The following SPEG variants were observed in gnomAD, a reference collection of about 807,000 sequenced individuals.
SPEG encodes the protein striated muscle enriched protein kinase, also known as striated muscle preferentially expressed protein kinase.
Under a neutral mutation model 300.4 loss-of-function variants are expected in SPEG, and 114 were observed. The ratio of observed to expected loss-of-function variants is 0.38; its 90% CI spans 0.33 to 0.44. The LOEUF is 0.44. Among genes scored for constraint, SPEG ranks in the 20% least tolerant of loss-of-function variants. SPEG has a pLI of 1.00. For missense variants in SPEG, 4,201 were observed against 4,586.2 expected, an observed-to-expected ratio of 0.92 and a Z score of 2.43; for synonymous variants, 1,964 against 2,018.9, an observed-to-expected ratio of 0.97 and a Z score of 0.73.
At position 219,443,653 on chromosome 2, in the gene SPEG, G is replaced by T; in HGVS notation, c.389-1000G>T. 1 of 306,540 alleles carries T rather than the reference G, an allele frequency of 3.3e-6. No individual in the cohort carries two copies. The allele number at this position is 306,540 out of a possible 1,614,324, so 19.0% of individuals were successfully genotyped here. On this transcript the variant is annotated intron_variant, in intron 1 of 40. Coordinates refer to ENST00000312358, the MANE Select transcript of SPEG (RefSeq NM_005876.5). The surrounding 1 kb of genome is among the most constrained non-coding windows in gnomAD (Gnocchi z 4.6). The stretch of plus-strand genomic sequence containing the variant: ...CAGATAAGGGGTTGGTTTGCAAAGA[G>T]GGGTCAAAGCACAATGCAAATATTG...
At chr2:219,489,305 C>T (rs200411869) in intron 35 of SPEG, 31 bp from the exon 36 acceptor site, 1 of 1,613,404 alleles carries the variant, frequency 6.2e-7, no homozygotes, top group African/African-American at 1.3e-5. Context: ...TGCCCCAAGG[C>T]ACCACGGTGA....
At chr2:219,470,472 T>TG (rs199956430) in intron 13 of SPEG, among the ~76,000 whole-genome samples, 5,613 of 152,278 alleles carry the variant, frequency 0.037, 333 homozygotes, top group African/African-American at 0.13. Context: ...AGGCCCTGGG[T>TG]GAGTGTCTGT....
At chr2:219,465,848 CATGT>C (rs1691234668) in intron 9 of SPEG, 1 of 612,854 alleles carries the variant, frequency 1.6e-6, no homozygotes, top group Admixed American at 2.6e-5. Flanking sequence ...TATGTGCATG[CATGT>C]GTGTGCATGT....
Position 219,484,136 on chromosome 2 carries a change from G to A in SPEG, c.6673G>A (p.Ala2225Thr), listed in dbSNP as rs1693142078. ...APEPRPEPVR[A>T]SKPAPPPQAL... is the part of the protein sequence containing the mutation. ...AGAGCCCAGGCCAGAACCAGTCCGA[G>A]CCTCCAAGCCTGCACCACCCCCCCA... The change falls in exon 30 of 41, where the codon GCC (alanine) becomes ACC (threonine). Residue 2225 changes from alanine (A) to threonine (T), a missense_variant. This residue lies in a region of SPEG where 1,578 missense variants were observed against 1,506.0 expected (regional missense o/e 1.05). Transcript: ENST00000312358. 1.9e-6 allele frequency: 3 copies of A among 1,613,362 alleles called. No homozygotes were observed. Among genetic ancestry groups the A allele is most frequent in the African/African-American group, 1.3e-5 (1 of 75,008 alleles).
Position 219,445,960 on chromosome 2 carries a change from A to G in SPEG, c.815+799A>G, listed in dbSNP as rs1689253449. Among the ~76,000 whole-genome samples, 1 of 151,348 alleles carries G rather than the reference A, an allele frequency of 6.6e-6. No homozygotes were observed. Among genetic ancestry groups the G allele is most frequent in the Non-Finnish European group, 1.5e-5 (1 of 67,892 alleles). ...TTGGAGATTTGGGGCTCGCAGATAC[A>G]GGAGGGAGTGCTATAGTGGAAGAGG... On this transcript the variant is annotated intron_variant, in intron 3 of 40. Transcript: ENST00000312358. This position sits in a 1 kb window ranked among gnomAD's most constrained non-coding sequence, Gnocchi z 6.1.
chr2:219,442,933 G>T (rs1175593052), intron 1 of SPEG, among the ~76,000 whole-genome samples: 1 of 152,092 alleles, frequency 6.6e-6, no homozygotes, highest in Non-Finnish European at 1.5e-5. Flanking sequence ...GAAGGCAGGG[G>T]AGTCATTCCC....
chr2:219,484,657 G>A lies in SPEG; in HGVS notation c.7194G>A (p.Arg2398=). 1 of 1,531,894 alleles carries A rather than the reference G, an allele frequency of 6.5e-7. No individual in the cohort carries two copies. Among genetic ancestry groups the A allele is most frequent in the Non-Finnish European group, 8.7e-7 (1 of 1,145,182 alleles). The allele number at this position is 1,531,894 out of a possible 1,614,324, so 94.9% of individuals were successfully genotyped here. A position where few individuals can be genotyped will look rare whatever the true frequency, so the allele number is the denominator to read the frequency against. Residue 2398 remains arginine, a synonymous_variant, in exon 30 of 41, where the codon AGG becomes AGA. Coordinates refer to ENST00000312358, the MANE Select transcript of SPEG (RefSeq NM_005876.5). ...GCTCACGCTCGGTGCAGGACCTCAGGGCTGTCGGAGAGCCTGGCCTCGTCC... is the reference window on the plus strand; with the variant it reads ...GCTCACGCTCGGTGCAGGACCTCAGAGCTGTCGGAGAGCCTGGCCTCGTCC... ...PERSRSVQDL[R]AVGEPGLVRR... is the part of the protein sequence containing the mutation.
rs1689689391 is a variant in SPEG at position 219,450,848 on chromosome 2, C to T, written c.2114-288C>T. ...GTGTTAAAGACATACACAGTGCAGT[C>T]CTGTCTTTCTCCAGAAGCCAACGCT... On this transcript the variant is annotated intron_variant, in intron 4 of 40. Transcript: ENST00000312358. The T allele has an allele frequency of 1.9e-5, 6 of 320,212 alleles. No homozygotes were observed. The South Asian group carries it at 3.3e-4, about 17-fold the overall frequency. 19.8% of individuals were successfully genotyped at this position (320,212 alleles called of 1,614,324 possible). A position where few individuals can be genotyped will look rare whatever the true frequency, so the allele number is the denominator to read the frequency against.
rs1693888872 is a variant in SPEG, at chr2:219,490,652, G to A, written c.9161+4G>A. ...TCCTCTGTGGGCTCAGTGACAGGTAGCTGGGAATTCTAGGGGAGTAGGGAG... is the reference window on the plus strand; with the variant it reads ...TCCTCTGTGGGCTCAGTGACAGGTAACTGGGAATTCTAGGGGAGTAGGGAG... On this transcript the variant is annotated splice_donor_region_variant and intron_variant, in intron 37 of 40. Coordinates refer to ENST00000312358, the MANE Select transcript of SPEG (RefSeq NM_005876.5). The A allele has an allele frequency of 6.2e-7, 1 of 1,608,834 alleles. No individual in the cohort carries two copies. Among genetic ancestry groups the A allele is most frequent in the Non-Finnish European group, 8.5e-7 (1 of 1,175,444 alleles).
Position 219,488,808 on chromosome 2 carries a change from T to C in SPEG, c.8057T>C (p.Val2686Ala). 1 of 1,599,826 alleles carries C rather than the reference T, an allele frequency of 6.3e-7. No individual in the cohort carries two copies. Among genetic ancestry groups the C allele is most frequent in the Non-Finnish European group, 8.5e-7 (1 of 1,172,184 alleles). Residue 2686 changes from valine to alanine, a missense_variant, in exon 34 of 41, where the codon GTA becomes GCA. Physicochemically the swap from Val to Ala is moderately conservative, Grantham distance 64. Coordinates refer to ENST00000312358, the MANE Select transcript of SPEG (RefSeq NM_005876.5). ...CCAGGAAAGCTAGCTCCTCCAGAGG[T>C]ACCCCAGACCTACCAGGACACGGCG... ...RVPGKLAPPE[V>A]PQTYQDTALV...
Position 219,464,454 on chromosome 2 carries a change from G to T in SPEG, c.2727G>T (p.Val909=). 6.2e-7 allele frequency: 1 copy of T among 1,612,086 alleles called. No individual in the cohort carries two copies. ...VVSWLRNRQP[V]RPDQRRFAEE... Reference sequence around the variant, plus strand: ...ACAGGCTGAGAAACCGCCAGCCCGTGCGCCCAGACCAGCGGCGCTTTGCGG... The same window carrying T: ...ACAGGCTGAGAAACCGCCAGCCCGTTCGCCCAGACCAGCGGCGCTTTGCGG... The change falls in exon 9 of 41, where the codon GTG becomes GTT. Residue 909 remains valine, a synonymous_variant. Transcript: ENST00000312358. The surrounding 1 kb of genome is among the most constrained non-coding windows in gnomAD (Gnocchi z 4.5).
At chr2:219,485,642 A>G (rs547761239) in intron 31 of SPEG, among the ~76,000 whole-genome samples, 165 bp downstream of exon 31, 4 of 152,214 alleles carry the variant, frequency 2.6e-5, no homozygotes, top group Non-Finnish European at 5.9e-5. Flanking sequence ...TTCATTAGAT[A>G]AGCTGAGTGT....
chr2:219,480,057 C>G lies in SPEG; in HGVS notation c.5259C>G (p.Pro1753=). The G allele has an allele frequency of 3.1e-6, 5 of 1,614,014 alleles. No homozygotes were observed. The highest frequency in any genetic ancestry group is 4.2e-6 in the Non-Finnish European group (5 of 1,180,010). Reference sequence around the variant, plus strand: ...CCCAGGAGCTGACTCCAGGAGAGCCCCAGTACTGCCAGTATGGCACACCTG... The same window carrying G: ...CCCAGGAGCTGACTCCAGGAGAGCCGCAGTACTGCCAGTATGGCACACCTG... ...GNAQELTPGE[P]QYCQYGTPEF... is the part of the protein sequence containing the mutation. Residue 1753 remains proline, a synonymous_variant, in exon 25 of 41, where the codon CCC becomes CCG. Coordinates refer to ENST00000312358, the MANE Select transcript of SPEG (RefSeq NM_005876.5). This position sits in a 1 kb window ranked among gnomAD's most constrained non-coding sequence, Gnocchi z 5.3.
At chr2:219,485,905 A>C (rs570180555) in intron 31 of SPEG, among the ~76,000 whole-genome samples, 4 of 151,832 alleles carry the variant, frequency 2.6e-5, no homozygotes, top group Non-Finnish European at 5.9e-5. Flanking sequence ...GAGACCCTAG[A>C]ATGTTTCTGT....
intron 4 of SPEG, among the ~76,000 whole-genome samples, chr2:219,449,646 C>G (rs920213824): frequency 2.6e-5 from 4 of 152,138 alleles, no homozygotes; most frequent in African/African-American, 9.7e-5. Context: ...CTAAGGACCC[C>G]CCTCCATACC....
chr2:219,462,917 CA>C (rs922537670), intron 8 of SPEG, among the ~76,000 whole-genome samples: 9 of 151,934 alleles, frequency 5.9e-5, no homozygotes, highest in African/African-American at 2.2e-4. Flanking sequence ...GACCCTGTCT[CA>C]AAAATAAAAA....
At position 219,448,086 on chromosome 2, in the gene SPEG, C is replaced by G. The variant is rs995721091; in HGVS notation, c.928C>G (p.Pro310Ala). ...QPPPSKSALLPPPSPRVGKRS... is the reference protein window; with the variant it reads ...QPPPSKSALLAPPSPRVGKRS... ...GCCTCCTTCCAAATCCGCGCTGCTC[C>G]CCCCACCGTCCCCTCGGGTCGGGAA... The change falls in exon 4 of 41, where the codon CCC (proline) becomes GCC (alanine). Residue 310 changes from proline to alanine, a missense_variant. By Grantham distance (27) the Pro-to-Ala change is conservative. Around this residue, in one of 4 missense-constraint regions of SPEG, gnomAD observed 1,258 missense variants for 1,293.9 expected, o/e 0.97. Coordinates refer to ENST00000312358, the MANE Select transcript of SPEG (RefSeq NM_005876.5). 6 of 1,606,164 alleles carry G rather than the reference C, an allele frequency of 3.7e-6. No homozygotes were observed. Among genetic ancestry groups the G allele is most frequent in the Non-Finnish European group, 3.4e-6 (4 of 1,176,846 alleles).
rs772853269 is a variant in SPEG, at chr2:219,461,955, A to G, written c.2514A>G (p.Pro838=). 1 of 1,613,558 alleles carries G rather than the reference A, an allele frequency of 6.2e-7. No homozygotes were observed. Among genetic ancestry groups the G allele is most frequent in the South Asian group, 1.1e-5 (1 of 91,020 alleles). The change falls in exon 7 of 41, where the codon CCA becomes CCG. Residue 838 remains proline (P), a synonymous_variant. Transcript: ENST00000312358. ...ACCTGAGCCCCCCAGAGGAGTTCCC[A>G]GAGCCTGGGGAGACCTGGCCGCGAA... The part of the protein sequence containing the change: ...EEYLSPPEEF[P]EPGETWPRTP...
intron 1 of SPEG, among the ~76,000 whole-genome samples, chr2:219,442,916 C>T (rs1195490206): frequency 4.6e-5 from 7 of 152,110 alleles, no homozygotes; most frequent in Admixed American, 6.5e-5. Flanking sequence ...AGCTGGGTAC[C>T]CTGGAAGAAG....
Sources: allele counts gnomAD v4.1 joint callset (sites outside exome capture counted in the v4.1 genomes callset), GRCh38; gene constraint gnomAD v4.1.1; regional missense constraint gnomAD v4.1.1; non-coding constraint Gnocchi (gnomAD v3.1); transcripts MANE v1.5; gene names NCBI Gene and HGNC (gene_info 2026-07-23, HGNC 2026-07-21).